Variants in KANK1 observed in about 807,000 individuals in gnomAD.
KANK1 encodes the protein KN motif and ankyrin repeat domain-containing protein 1.
KANK1 carries 109 observed loss-of-function variants against 106.2 expected under a neutral mutation model. That is an observed-to-expected ratio of 1.03 (90% CI 0.88 to 1.20). The LOEUF (loss-of-function observed/expected upper bound fraction) is 1.20, where lower values mean the gene tolerates loss of function less well. Ranked by LOEUF, KANK1 falls within the 50% of genes most tolerant of loss-of-function variation. KANK1 has a pLI of 0.00. For missense variants in KANK1, 2,399 were observed against 1,710.7 expected (o/e 1.40, Z -7.10); for synonymous variants, 873 against 652.2 (o/e 1.34, Z -5.16).
At chr9:606,191 C>G (rs1563847482) in intron 1 of KANK1, among the ~76,000 whole-genome samples, 1 of 150,476 alleles carries the variant, frequency 6.6e-6, no homozygotes. Flanking sequence ...ACCACTCACA[C>G]ATATATACGT....
At chr9:614,953 C>A (rs1035208872) in intron 1 of KANK1, among the ~76,000 whole-genome samples, 1 of 151,720 alleles carries the variant, frequency 6.6e-6, no homozygotes, top group Non-Finnish European at 1.5e-5. Flanking sequence ...GTACCCATCC[C>A]CCCCCTGCCC....
Position 735,118 on chromosome 9 carries a change from T to C in KANK1, c.3333+283T>C, listed in dbSNP as rs1329407595. Among the ~76,000 whole-genome samples the C allele has an allele frequency of 2.6e-5, 4 of 152,230 alleles. No individual in the cohort carries two copies. The East Asian group carries it at 7.7e-4, about 29-fold the overall frequency. Reference sequence around the variant, plus strand: ...ACTTGCAGACAGAAAGCAGGGCTAATTGCAGTCAGTCGTCATCTTTCTACA... The same window carrying C: ...ACTTGCAGACAGAAAGCAGGGCTAACTGCAGTCAGTCGTCATCTTTCTACA... On this transcript the variant is annotated intron_variant, in intron 7 of 11. Transcript: ENST00000382297.
At chr9:525,295 A>G (rs2059737288) in intron 1 of KANK1, among the ~76,000 whole-genome samples, 1 of 151,320 alleles carries the variant, frequency 6.6e-6, no homozygotes, top group African/African-American at 2.5e-5. Context: ...GCTCCCAGCC[A>G]ACTCTTGCTT....
intron 1 of KANK1, among the ~76,000 whole-genome samples, chr9:659,712 G>C (rs897437767): frequency 6.6e-6 from 1 of 151,856 alleles, no homozygotes. Context: ...GAGGGAAGAA[G>C]GTAATGCTAT....
chr9:701,297 G>A (rs761954902), intron 2 of KANK1, among the ~76,000 whole-genome samples: 30 of 152,174 alleles, frequency 2.0e-4, no homozygotes, highest in Non-Finnish European at 3.4e-4. Context: ...ATTTTTAGTA[G>A]AGGTGGGGTT....
At chr9:665,852 A>G (rs979812519) in intron 1 of KANK1, among the ~76,000 whole-genome samples, 6 of 152,018 alleles carry the variant, frequency 3.9e-5, no homozygotes, top group Admixed American at 2.6e-4. Flanking sequence ...TTTTATAGTG[A>G]TCCTTGTAAA....
intron 1 of KANK1, among the ~76,000 whole-genome samples, chr9:631,429 T>A (rs571201026): frequency 3.9e-5 from 6 of 152,250 alleles, no homozygotes; most frequent in African/African-American, 1.4e-4. Flanking sequence ...CCATCAACTA[T>A]ACCCTTGAGC....
chr9:610,437 G>GA (rs1441424820), intron 1 of KANK1, among the ~76,000 whole-genome samples: 2 of 152,126 alleles, frequency 1.3e-5, no homozygotes, highest in Non-Finnish European at 2.9e-5. Context: ...CTATATGGGT[G>GA]AAAAAATAAA....
At chr9:488,212 T>G (rs1198145271) in intron 3 of KANK1, among the ~76,000 whole-genome samples, 1 of 152,206 alleles carries the variant, frequency 6.6e-6, no homozygotes, top group Non-Finnish European at 1.5e-5. Context: ...TGTATGCATT[T>G]TGATTGAGGC....
chr9:530,629 A>G (rs2060013802), intron 1 of KANK1, among the ~76,000 whole-genome samples: 1 of 152,130 alleles, frequency 6.6e-6, no homozygotes, highest in South Asian at 2.1e-4. Context: ...TGTATTAGGG[A>G]GGATTGGGCT....
intron 1 of KANK1, among the ~76,000 whole-genome samples, chr9:537,992 A>G (rs1228643615): frequency 1.3e-5 from 2 of 151,966 alleles, no homozygotes; most frequent in Non-Finnish European, 2.9e-5. Context: ...AGGCTCAAAC[A>G]TTTATTTACT....
At chr9:515,842 CAAATG>C (rs1443589956) in intron 1 of KANK1, among the ~76,000 whole-genome samples, 3 of 151,800 alleles carry the variant, frequency 2.0e-5, no homozygotes, top group African/African-American at 7.3e-5. Flanking sequence ...CACTTCTTAG[CAAATG>C]AAATGCATAG....
chr9:599,557 C>T (rs1827192128), intron 1 of KANK1, among the ~76,000 whole-genome samples: 1 of 151,744 alleles, frequency 6.6e-6, no homozygotes, highest in Non-Finnish European at 1.5e-5. Flanking sequence ...GTGTCTTTCT[C>T]TGCTAGTTTA....
In KANK1 at chr9:652,132, G is replaced by C. The variant is rs148154101; in HGVS notation, c.-83-24758G>C. 1.6e-3 allele frequency among the ~76,000 whole-genome samples: 244 copies of C among 152,234 alleles called. 1 individual carries two copies. Among genetic ancestry groups the C allele is most frequent in the African/African-American group, 5.5e-3 (230 of 41,522 alleles). On this transcript the variant is annotated intron_variant, in intron 1 of 11. Transcript: ENST00000382297. ...TCTTCATCTCACAGATTCATTTCTT[G>C]TAATTTACCCATTTATAATTAATTA... is the stretch of plus-strand genomic sequence containing the variant.
chr9:483,853 A>C (rs1375764252), intron 3 of KANK1, among the ~76,000 whole-genome samples: 1 of 152,232 alleles, frequency 6.6e-6, no homozygotes, highest in Non-Finnish European at 1.5e-5. Flanking sequence ...GACAGCTGAC[A>C]TACAGATGTG....
intron 3 of KANK1, among the ~76,000 whole-genome samples, chr9:717,191 G>A (rs530870512): frequency 6.6e-6 from 1 of 151,932 alleles, no homozygotes; most frequent in Admixed American, 6.6e-5. Context: ...AGGCTGAGGT[G>A]GGAAGATCAC....
intron 1 of KANK1, among the ~76,000 whole-genome samples, chr9:596,402 A>G (rs1826216905): frequency 6.6e-6 from 1 of 151,844 alleles, no homozygotes; most frequent in Non-Finnish European, 1.5e-5. Flanking sequence ...AAGTTCGGGT[A>G]GAGAAAAGAC....
At chr9:630,957 A>AG (rs1835579666) in intron 1 of KANK1, among the ~76,000 whole-genome samples, 1 of 151,842 alleles carries the variant, frequency 6.6e-6, no homozygotes, top group Admixed American at 6.6e-5. Context: ...TCTGTCTCAA[A>AG]AAACAAAACA....
In KANK1 at chr9:649,220, C is replaced by T. The variant is rs72691333; in HGVS notation, c.-83-27670C>T. On this transcript the variant is annotated intron_variant, in intron 1 of 11. Transcript: ENST00000382297. ...GTATTTCTATTTATTGCTATTCCCT[C>T]TCCACCTCTGTTTCTTTCCCATTAG... Among the ~76,000 whole-genome samples the T allele has an allele frequency of 4.6e-3, 701 of 152,294 alleles. 12 individuals are homozygous for T. The highest frequency in any genetic ancestry group is 0.016 in the African/African-American group (648 of 41,532).
Sources: allele counts gnomAD v4.1 joint callset (sites outside exome capture counted in the v4.1 genomes callset), GRCh38; gene constraint gnomAD v4.1.1; transcripts MANE v1.5; gene names NCBI Gene and HGNC (gene_info 2026-07-23, HGNC 2026-07-21).